PDE9A: variants seen among roughly 807,000 people sequenced by gnomAD.
The protein encoded by PDE9A is high affinity cGMP-specific 3',5'-cyclic phosphodiesterase 9A.
PDE9A carries 60 observed loss-of-function variants against 87.4 expected under a neutral mutation model. The observed-to-expected ratio is 0.69, with a 90% CI of 0.56 to 0.85. The LOEUF (loss-of-function observed/expected upper bound fraction) is 0.85, where lower values mean the gene tolerates loss of function less well. Among genes scored for constraint, PDE9A ranks in the 40% least tolerant of loss-of-function variants. The pLI, the probability that PDE9A is intolerant of heterozygous loss-of-function variation, is 0.00. For missense variants in PDE9A, 665 were observed against 779.0 expected, an observed-to-expected ratio of 0.85 and a Z score of 1.74; for synonymous variants, 272 against 279.4, an observed-to-expected ratio of 0.97 and a Z score of 0.27.
In PDE9A at chr21:42,739,421, G is replaced by T. The variant is rs2052861472; in HGVS notation, c.569-4355G>T. Among the ~76,000 whole-genome samples, 3 of 152,174 alleles carry T rather than the reference G, an allele frequency of 2.0e-5. No homozygotes were observed. The highest frequency in any genetic ancestry group is 2.0e-4 in the Admixed American group (3 of 15,286). On this transcript the variant is annotated intron_variant, in intron 7 of 19. Coordinates refer to ENST00000291539, the MANE Select transcript of PDE9A (RefSeq NM_002606.3). This position sits in a 1 kb window ranked among gnomAD's most constrained non-coding sequence, Gnocchi z 4.1. Reference sequence around the variant, plus strand: ...TGTCCTGGAAAGGCCAGGGAGTGAGGAGGCAGGACCCCCGGGGACACAGGC... The same window carrying T: ...TGTCCTGGAAAGGCCAGGGAGTGAGTAGGCAGGACCCCCGGGGACACAGGC...
intron 7 of PDE9A, among the ~76,000 whole-genome samples, chr21:42,740,700 G>GGGA (rs2053101074): frequency 7.8e-6 from 1 of 128,412 alleles, no homozygotes; most frequent in South Asian, 2.6e-4. Flanking sequence ...TAGGTAGGTA[G>GGGA]GTAGTAGATA....
At chr21:42,750,916 A>C (rs938536453) in intron 8 of PDE9A, among the ~76,000 whole-genome samples, 200 bp from the exon 9 acceptor site, 1 of 151,804 alleles carries the variant, frequency 6.6e-6, no homozygotes, top group Admixed American at 6.6e-5. Context: ...GTTTTCCAAG[A>C]GTCTAGTGTG....
intron 4 of PDE9A, among the ~76,000 whole-genome samples, chr21:42,727,162 C>T (rs1296685253): frequency 6.8e-6 from 1 of 146,778 alleles, no homozygotes; most frequent in South Asian, 2.2e-4. Context: ...GGAGAATTTA[C>T]TATGTTGAGT....
At chr21:42,664,242 C>A (rs949409919) in intron 1 of PDE9A, among the ~76,000 whole-genome samples, 3 of 152,234 alleles carry the variant, frequency 2.0e-5, no homozygotes, top group Non-Finnish European at 2.9e-5. Context: ...GCTCAGTGGG[C>A]AATGGTGCCT....
chr21:42,737,737 C>T (rs944825465), intron 7 of PDE9A, among the ~76,000 whole-genome samples: 4 of 152,312 alleles, frequency 2.6e-5, no homozygotes, highest in East Asian at 1.9e-4. Flanking sequence ...AGATTACAGG[C>T]GTGAGCCATT....
At chr21:42,687,844 C>T (rs2059560699) in intron 2 of PDE9A, 73 bp from the exon 3 acceptor site, 1 of 1,294,402 alleles carries the variant, frequency 7.7e-7, no homozygotes, top group African/African-American at 1.4e-5. Context: ...GGGCTCTGGC[C>T]CCATGTGTAC....
intron 1 of PDE9A, among the ~76,000 whole-genome samples, chr21:42,666,732 C>T (rs1294879182): frequency 2.6e-5 from 4 of 152,222 alleles, no homozygotes; most frequent in Admixed American, 1.3e-4. Flanking sequence ...AAGGCCCGGT[C>T]TCCAAATAAG....
At chr21:42,724,891 C>T (rs1162081981) in intron 4 of PDE9A, among the ~76,000 whole-genome samples, 1 of 152,228 alleles carries the variant, frequency 6.6e-6, no homozygotes, top group Non-Finnish European at 1.5e-5. Context: ...TCCTGTCGTG[C>T]TCAAAGGGTT....
Position 42,712,588 on chromosome 21 carries a change from T to A in PDE9A, c.262+13577T>A, listed in dbSNP as rs185296786. Among the ~76,000 whole-genome samples, 42 of 152,358 alleles carry A rather than the reference T, an allele frequency of 2.8e-4. No homozygotes were observed. The Middle Eastern group carries it at 0.01, about 37-fold the overall frequency. On this transcript the variant is annotated intron_variant, in intron 4 of 19. Coordinates refer to ENST00000291539, the MANE Select transcript of PDE9A (RefSeq NM_002606.3). ...GTGAGAGCAGACGTCCTCGCCTTGT[T>A]CCCAATCTTAGAGGAGATGCCTTCG...
intron 1 of PDE9A, among the ~76,000 whole-genome samples, chr21:42,656,002 C>T (rs1310418285): frequency 6.6e-6 from 1 of 152,258 alleles, no homozygotes; most frequent in Non-Finnish European, 1.5e-5. Context: ...AGGCTGCACA[C>T]CCAGCAGTGC....
At position 42,768,218 on chromosome 21, in the gene PDE9A, A is replaced by G; in HGVS notation, c.1387A>G (p.Ile463Val). 1 of 1,610,622 alleles carries G rather than the reference A, an allele frequency of 6.2e-7. No individual in the cohort carries two copies. The highest frequency in any genetic ancestry group is 8.5e-7 in the Non-Finnish European group (1 of 1,176,712). ...LKMILIKCCD[I>V]SNEVRPMEVA... ...GATGATTTTGATAAAATGCTGTGAT[A>G]TCTCTAACGAGGTCCGTCCAATGGA... The change falls in exon 16 of 20, where the codon ATC becomes GTC. Residue 463 changes from isoleucine (I) to valine (V), a missense_variant. Coordinates refer to ENST00000291539, the MANE Select transcript of PDE9A (RefSeq NM_002606.3).
intron 17 of PDE9A, among the ~76,000 whole-genome samples, chr21:42,770,246 C>T (rs1306836324): frequency 6.6e-6 from 1 of 152,084 alleles, no homozygotes; most frequent in Admixed American, 6.5e-5. Context: ...ATGTCCAAAA[C>T]AGGCCCATCT....
At chr21:42,685,099 G>A (rs984635034) in intron 1 of PDE9A, among the ~76,000 whole-genome samples, 2 of 152,228 alleles carry the variant, frequency 1.3e-5, no homozygotes, top group African/African-American at 2.4e-5. Flanking sequence ...GCCAGGAGCC[G>A]GGGAAACTGT....
chr21:42,700,491 C>G (rs2048296684), intron 4 of PDE9A, among the ~76,000 whole-genome samples: 1 of 152,198 alleles, frequency 6.6e-6, no homozygotes, highest in Non-Finnish European at 1.5e-5. Context: ...CTGGGTTTGT[C>G]TGACGTTTCT....
intron 7 of PDE9A, among the ~76,000 whole-genome samples, chr21:42,735,269 A>G (rs1390132340): frequency 6.6e-6 from 1 of 152,140 alleles, no homozygotes; most frequent in Non-Finnish European, 1.5e-5. Flanking sequence ...ACAACCACTT[A>G]TGCAGATATC....
intron 4 of PDE9A, among the ~76,000 whole-genome samples, chr21:42,715,247 T>C (rs997234412): frequency 1.0e-4 from 15 of 143,870 alleles, no homozygotes; most frequent in Non-Finnish European, 2.1e-4. Context: ...CACGGCAAAA[T>C]TGAGTGAAAA....
intron 1 of PDE9A, among the ~76,000 whole-genome samples, chr21:42,663,100 A>G (rs920821763): frequency 6.7e-6 from 1 of 148,494 alleles, no homozygotes; most frequent in Admixed American, 6.7e-5. Flanking sequence ...AATGCACACC[A>G]CATACACGCA....
rs117398120 is a variant in PDE9A, at chr21:42,661,960, G to A, written c.69+8077G>A. 2.8e-3 allele frequency among the ~76,000 whole-genome samples: 428 copies of A among 152,262 alleles called. 8 individuals carry two copies. In the East Asian group the frequency reaches 0.05, roughly 18 times the overall value. On this transcript the variant is annotated intron_variant, in intron 1 of 19. Coordinates refer to ENST00000291539, the MANE Select transcript of PDE9A (RefSeq NM_002606.3). Reference sequence around the variant, plus strand: ...CCTGGTGGAGAGCGCAGATGGGGCCGATTTGTCATTTGTCTGCGCTTGAGC... The same window carrying A: ...CCTGGTGGAGAGCGCAGATGGGGCCAATTTGTCATTTGTCTGCGCTTGAGC...
At chr21:42,755,565 G>A (rs1324891766) in intron 10 of PDE9A, among the ~76,000 whole-genome samples, 2 of 152,224 alleles carry the variant, frequency 1.3e-5, no homozygotes, top group Non-Finnish European at 2.9e-5. Flanking sequence ...CAGAATGACT[G>A]TCTAGGTCAA....
Sources: allele counts gnomAD v4.1 joint callset (sites outside exome capture counted in the v4.1 genomes callset), GRCh38; gene constraint gnomAD v4.1.1; non-coding constraint Gnocchi (gnomAD v3.1); transcripts MANE v1.5; gene names NCBI Gene and HGNC (gene_info 2026-07-23, HGNC 2026-07-21).